The following NARS2 variants were observed in gnomAD, a reference collection of about 807,000 sequenced individuals.
NARS2 encodes the protein asparaginyl-tRNA synthetase.
In NARS2, 60 loss-of-function variants were observed where a neutral mutation model predicts 62.9. That is an observed-to-expected ratio of 0.95 (90% confidence interval 0.77 to 1.18). The LOEUF (loss-of-function observed/expected upper bound fraction) is 1.18, where lower values mean the gene tolerates loss of function less well. NARS2 is among the 50% of genes most tolerant of loss of function. The pLI, the probability that NARS2 is intolerant of heterozygous loss-of-function variation, is 0.00. For synonymous variants in NARS2, 196 were observed against 200.0 expected (o/e 0.98, Z 0.17); for missense variants, 619 against 576.4 (o/e 1.07, Z -0.76).
intron 11 of NARS2, among the ~76,000 whole-genome samples, chr11:78,462,090 T>C (rs1360253039): frequency 2.0e-5 from 3 of 152,334 alleles, no homozygotes; most frequent in East Asian, 1.9e-4. Context: ...GAAAAATCTT[T>C]ATAGAGAAGA....
intron 9 of NARS2, among the ~76,000 whole-genome samples, chr11:78,476,988 G>A (rs545245851): frequency 4.6e-5 from 7 of 152,306 alleles, no homozygotes; most frequent in African/African-American, 1.7e-4. Flanking sequence ...TCTGTAGAAT[G>A]AGAATAATAA....
At position 78,461,858 on chromosome 11, in the gene NARS2, C is replaced by A. The variant is rs374018110; in HGVS notation, c.1164+4018G>T. Among the ~76,000 whole-genome samples, 207 of 151,328 alleles carry A rather than the reference C, an allele frequency of 1.4e-3. 3 individuals are homozygous for A. The South Asian group carries it at 0.015, about 11-fold the overall frequency. Reference sequence around the variant, plus strand: ...GTCCCAGCTACTCGGGAGGCTGAGGCAGGAGAATTGCTTGAACCCGGGAGA... The same window carrying A: ...GTCCCAGCTACTCGGGAGGCTGAGGAAGGAGAATTGCTTGAACCCGGGAGA... On this transcript the variant is annotated intron_variant, in intron 11 of 13. Transcript: ENST00000281038.
chr11:78,439,870 T>A (rs2135131502), intron 13 of NARS2, among the ~76,000 whole-genome samples: 1 of 152,222 alleles, frequency 6.6e-6, no homozygotes, highest in East Asian at 1.9e-4. Flanking sequence ...GAAAAGTACT[T>A]GAAGAAAAAG....
intron 7 of NARS2, among the ~76,000 whole-genome samples, chr11:78,485,552 C>A (rs1038528360): frequency 2.0e-5 from 3 of 151,840 alleles, no homozygotes; most frequent in African/African-American, 7.3e-5. Context: ...TCCTTTGTCT[C>A]CTGGTTTTGA....
intron 12 of NARS2, among the ~76,000 whole-genome samples, chr11:78,441,370 G>C (rs1321450207): frequency 6.6e-6 from 1 of 152,110 alleles, no homozygotes; most frequent in East Asian, 1.9e-4. Context: ...AGAGTCCAAA[G>C]GAAGGGATTC....
chr11:78,453,529 GAAAAAGTTT>G (rs1565207711), intron 11 of NARS2, among the ~76,000 whole-genome samples: 1 of 151,968 alleles, frequency 6.6e-6, no homozygotes, highest in Non-Finnish European at 1.5e-5. Context: ...CTGAAAGAGG[GAAAAAGTTT>G]AATGGCCCTT....
intron 4 of NARS2, among the ~76,000 whole-genome samples, chr11:78,563,851 A>AATATAT (rs1335259135): frequency 0.017 from 591 of 33,956 alleles, 33 homozygotes; most frequent in African/African-American, 0.054. Context: ...AAAAAAAAAA[A>AATATAT]ATATATATAT....
At chr11:78,509,996 A>C (rs1373116097) in intron 6 of NARS2, among the ~76,000 whole-genome samples, 1 of 152,150 alleles carries the variant, frequency 6.6e-6, no homozygotes, top group African/African-American at 2.4e-5. Context: ...ATGCAAAAGA[A>C]AATAAGAAAG....
At chr11:78,467,566 TA>T (rs200900223) in intron 10 of NARS2, among the ~76,000 whole-genome samples, 15,488 of 150,220 alleles carry the variant, frequency 0.1, 1,148 homozygotes, top group East Asian at 0.26. Context: ...AATAAATAAA[TA>T]AATTAATTAA....
At chr11:78,553,740 G>A (rs1041302447) in intron 5 of NARS2, among the ~76,000 whole-genome samples, 2 of 152,190 alleles carry the variant, frequency 1.3e-5, no homozygotes, top group African/African-American at 4.8e-5. Context: ...TTGCTATGCA[G>A]AAGCTCTTAA....
intron 9 of NARS2, among the ~76,000 whole-genome samples, chr11:78,470,403 T>A (rs553827852): frequency 1.1e-3 from 171 of 152,324 alleles, no homozygotes; most frequent in Middle Eastern, 6.8e-3. Context: ...ACAATCACTG[T>A]TATTGGTATT....
At chr11:78,566,662 A>T (rs7108439) in intron 3 of NARS2, among the ~76,000 whole-genome samples, 108,056 of 152,146 alleles carry the variant, frequency 0.71, 38,972 homozygotes, top group Non-Finnish European at 0.79. Context: ...AGATGTACAC[A>T]CAAGGCTGGT....
intron 7 of NARS2, 113 bp downstream of exon 7, chr11:78,492,950 C>A (rs1590768986): frequency 4.7e-6 from 4 of 856,680 alleles, no homozygotes; most frequent in Non-Finnish European, 7.3e-6. Flanking sequence ...TAAGTAGTTA[C>A]CCCTTCTTTT....
At chr11:78,552,399 G>A (rs1418269600) in intron 5 of NARS2, among the ~76,000 whole-genome samples, 1 of 152,126 alleles carries the variant, frequency 6.6e-6, no homozygotes, top group Non-Finnish European at 1.5e-5. Context: ...GTCACTGATG[G>A]GCACTTAGGT....
intron 7 of NARS2, among the ~76,000 whole-genome samples, chr11:78,484,588 C>T (rs1372687309): frequency 6.6e-6 from 1 of 152,090 alleles, no homozygotes; most frequent in African/African-American, 2.4e-5. Flanking sequence ...AGGATATGAA[C>T]AGACACTTCT....
In NARS2 at chr11:78,566,170, G is replaced by A. The variant is rs746618673; in HGVS notation, c.475C>T (p.Arg159Cys). ...TGAATAGCAGCTGTCGCTTCACTGC[G>A]AATCCTCAATATAGAACCCAGAACG... Reference protein sequence around the residue: ...TNVLGSILRIRSEATAAIHSF... With the variant: ...TNVLGSILRICSEATAAIHSF... Residue 159 changes from arginine to cysteine, a missense_variant, in exon 4 of 14, where the codon CGC becomes TGC. Physicochemically the swap from Arg to Cys is radical, Grantham distance 180. Coordinates refer to ENST00000281038, the MANE Select transcript of NARS2 (RefSeq NM_024678.6). The A allele has an allele frequency of 1.2e-5, 19 of 1,611,506 alleles. No homozygotes were observed. Among genetic ancestry groups the A allele is most frequent in the East Asian group, 2.2e-5 (1 of 44,806 alleles).
intron 10 of NARS2, among the ~76,000 whole-genome samples, chr11:78,467,813 T>C (rs965899327): frequency 6.6e-6 from 1 of 152,052 alleles, no homozygotes; most frequent in African/African-American, 2.4e-5. Context: ...ATGTATCAAA[T>C]CATCATGTCG....
chr11:78,528,865 T>C lies in NARS2; in HGVS notation c.666A>G (p.Gln222=). Residue 222 remains glutamine (Q), a synonymous_variant, in exon 6 of 14, where the codon CAA becomes CAG. Transcript: ENST00000281038. ...ACCCTGACATCACTTCTAGATGAAGTTGTCCTGAGACAGTTAAGAAAGCAG... is the reference window on the plus strand; with the variant it reads ...ACCCTGACATCACTTCTAGATGAAGCTGTCCTGAGACAGTTAAGAAAGCAG... ...NVPAFLTVSG[Q]LHLEVMSGAF... The C allele has an allele frequency of 1.2e-6, 2 of 1,611,844 alleles. No individual in the cohort carries two copies. The highest frequency in any genetic ancestry group is 1.7e-6 in the Non-Finnish European group (2 of 1,178,542).
At chr11:78,462,553 A>G (rs1858440137) in intron 11 of NARS2, among the ~76,000 whole-genome samples, 1 of 152,224 alleles carries the variant, frequency 6.6e-6, no homozygotes, top group African/African-American at 2.4e-5. Context: ...CAGTCTAGAA[A>G]AAAATACATA....
Sources: allele counts gnomAD v4.1 joint callset (sites outside exome capture counted in the v4.1 genomes callset), GRCh38; gene constraint gnomAD v4.1.1; transcripts MANE v1.5; gene names NCBI Gene and HGNC (gene_info 2026-07-23, HGNC 2026-07-21).